Variants in LRRC4C observed in about 807,000 individuals in gnomAD.
LRRC4C encodes the protein leucine-rich repeat-containing protein 4C.
In LRRC4C, 5 loss-of-function variants were observed where a neutral mutation model predicts 33.6. That is an observed-to-expected ratio of 0.15 (90% CI 0.08 to 0.31). The LOEUF is 0.31. Ranked by LOEUF, LRRC4C falls within the 10% of genes least tolerant of loss-of-function variation. LRRC4C has a pLI of 1.00. For synonymous variants in LRRC4C, 329 were observed against 302.0 expected (o/e 1.09, Z -0.93); for missense variants, 560 against 796.7 (o/e 0.70, Z 3.58).
intron 1 of LRRC4C, among the ~76,000 whole-genome samples, chr11:41,339,598 G>C (rs1459213424): frequency 6.6e-6 from 1 of 152,080 alleles, no homozygotes. Flanking sequence ...ATTTCCATGG[G>C]AACAGGGGGT....
chr11:40,501,832 C>T (rs1954789742), intron 3 of LRRC4C, among the ~76,000 whole-genome samples: 1 of 152,200 alleles, frequency 6.6e-6, no homozygotes, highest in Admixed American at 6.5e-5. Flanking sequence ...CAAGTTTCTG[C>T]AGCAGGCTTG....
chr11:40,893,847 A>G (rs1955824317), intron 2 of LRRC4C, among the ~76,000 whole-genome samples: 1 of 148,526 alleles, frequency 6.7e-6, no homozygotes, highest in Non-Finnish European at 1.5e-5. Context: ...ACACACACAC[A>G]CACATTCACA....
chr11:40,441,611 C>A (rs1951398756), intron 3 of LRRC4C, among the ~76,000 whole-genome samples: 1 of 152,134 alleles, frequency 6.6e-6, no homozygotes, highest in South Asian at 2.1e-4. Flanking sequence ...AAAAAGAGCA[C>A]CATGTTAGAA....
intron 1 of LRRC4C, among the ~76,000 whole-genome samples, chr11:41,451,456 A>C (rs1956023456): frequency 6.6e-6 from 1 of 152,100 alleles, no homozygotes; most frequent in Non-Finnish European, 1.5e-5. Context: ...ATTAGATAGG[A>C]AGAACAGAAT....
chr11:40,600,030 T>C (rs948346125), intron 3 of LRRC4C, among the ~76,000 whole-genome samples: 2 of 152,208 alleles, frequency 1.3e-5, no homozygotes, highest in Non-Finnish European at 2.9e-5. Context: ...TGTATTCTCA[T>C]ATAGTACAGG....
chr11:41,165,321 A>T (rs1482997940), intron 1 of LRRC4C, among the ~76,000 whole-genome samples: 5 of 152,128 alleles, frequency 3.3e-5, no homozygotes, highest in African/African-American at 1.2e-4. Flanking sequence ...TTGTTGACCG[A>T]AATGTCATTA....
At chr11:40,784,382 G>A (rs141394975) in intron 2 of LRRC4C, among the ~76,000 whole-genome samples, 41 of 152,230 alleles carry the variant, frequency 2.7e-4, no homozygotes, top group Admixed American at 5.2e-4. Flanking sequence ...TACCTCTCTC[G>A]TCAGATTGCT....
chr11:40,431,336 AGT>A (rs1950925179), intron 3 of LRRC4C, among the ~76,000 whole-genome samples: 2 of 148,148 alleles, frequency 1.3e-5, no homozygotes, highest in South Asian at 4.3e-4. Context: ...CAGAGGTTGC[AGT>A]GAGCCAACAT....
rs1948907995 is a variant in LRRC4C at position 40,755,547 on chromosome 11, A to G, written c.-406-107269T>C. ...TTTTTTATTTCCTTTACTTTAGTGCAGGAGATTTTGCATCCCACCAGACAT... is the reference window on the plus strand; with the variant it reads ...TTTTTTATTTCCTTTACTTTAGTGCGGGAGATTTTGCATCCCACCAGACAT... On this transcript the variant is annotated intron_variant, in intron 2 of 6. Coordinates refer to ENST00000528697, the MANE Select transcript of LRRC4C (RefSeq NM_001258419.2). Among the ~76,000 whole-genome samples the G allele has an allele frequency of 2.0e-5, 3 of 152,046 alleles. No homozygotes were observed. In the South Asian group the frequency reaches 6.2e-4, roughly 31 times the overall value.
At chr11:41,141,048 A>C (rs887506732) in intron 1 of LRRC4C, among the ~76,000 whole-genome samples, 52 of 152,302 alleles carry the variant, frequency 3.4e-4, no homozygotes, top group African/African-American at 1.2e-3. Context: ...CCTTTCTAAA[A>C]GTAGATCTAG....
intron 2 of LRRC4C, among the ~76,000 whole-genome samples, chr11:40,789,463 CTT>C (rs751910939): frequency 5.9e-5 from 9 of 152,110 alleles, no homozygotes; most frequent in African/African-American, 1.4e-4. Context: ...AAAATTATAA[CTT>C]AACTTTAATA....
intron 1 of LRRC4C, among the ~76,000 whole-genome samples, chr11:41,299,984 G>A (rs1394836706): frequency 6.6e-6 from 1 of 152,106 alleles, no homozygotes; most frequent in African/African-American, 2.4e-5. Context: ...AATGGAATAA[G>A]TTTTCCAAGA....
chr11:40,501,737 G>C (rs2138630724), intron 3 of LRRC4C, among the ~76,000 whole-genome samples: 1 of 152,240 alleles, frequency 6.6e-6, no homozygotes, highest in African/African-American at 2.4e-5. Context: ...GTGATGGGAG[G>C]GGCTGCCACG....
chr11:41,109,158 A>G (rs1039571102), intron 1 of LRRC4C, among the ~76,000 whole-genome samples: 1 of 152,002 alleles, frequency 6.6e-6, no homozygotes, highest in African/African-American at 2.4e-5. Context: ...TTCCAATCCC[A>G]GAAAAAAATA....
At chr11:41,341,270 G>T (rs1239963202) in intron 1 of LRRC4C, among the ~76,000 whole-genome samples, 1 of 151,952 alleles carries the variant, frequency 6.6e-6, no homozygotes, top group Admixed American at 6.6e-5. Context: ...AAAATATACT[G>T]TAAGTGTTTT....
At chr11:40,170,506 GAGA>G (rs1859956025) in intron 5 of LRRC4C, among the ~76,000 whole-genome samples, 1 of 149,806 alleles carries the variant, frequency 6.7e-6, no homozygotes, top group Non-Finnish European at 1.5e-5. Context: ...GAGAGAAAGA[GAGA>G]AAAAAAAAAT....
intron 1 of LRRC4C, among the ~76,000 whole-genome samples, chr11:41,370,947 T>C (rs61877320): frequency 2.4e-4 from 36 of 152,338 alleles, no homozygotes; most frequent in Non-Finnish European, 4.4e-4. Context: ...AGAATGTTAG[T>C]CTTGCTACTC....
intron 2 of LRRC4C, among the ~76,000 whole-genome samples, chr11:40,675,490 C>T (rs559609033): frequency 7.2e-5 from 11 of 152,104 alleles, no homozygotes; most frequent in East Asian, 1.9e-4. Flanking sequence ...TGGGCCTCAA[C>T]GCTGCATCCC....
chr11:41,086,265 C>T (rs1440949746), intron 1 of LRRC4C, among the ~76,000 whole-genome samples: 2 of 152,018 alleles, frequency 1.3e-5, no homozygotes, highest in Non-Finnish European at 2.9e-5. Context: ...TTTGCTTGGG[C>T]TGAAATTATA....
Sources: gnomAD v4.1 joint callset for allele counts (sites outside exome capture counted in the v4.1 genomes callset) on GRCh38, gnomAD v4.1.1 for gene constraint, MANE v1.5 for transcripts, NCBI Gene and HGNC (gene_info 2026-07-23, HGNC 2026-07-21) for gene names.